ARID1B: variants seen among roughly 807,000 people sequenced by gnomAD.
The protein encoded by ARID1B is AT-rich interactive domain-containing protein 1B.
Under a neutral mutation model 212.3 loss-of-function variants are expected in ARID1B, and 30 were observed. The ratio of observed to expected loss-of-function variants is 0.14; its 90% CI spans 0.11 to 0.19. ARID1B has a LOEUF of 0.19. Ranked by LOEUF, ARID1B falls within the 10% of genes least tolerant of loss-of-function variation. The pLI is 1.00. For missense variants in ARID1B, 2,891 were observed against 3,204.0 expected (o/e 0.90, Z 2.36); for synonymous variants, 1,402 against 1,301.7 (o/e 1.08, Z -1.66).
At chr6:157,158,241 A>G (rs1252159157) in intron 8 of ARID1B, among the ~76,000 whole-genome samples, 1 of 152,232 alleles carries the variant, frequency 6.6e-6, no homozygotes, top group Non-Finnish European at 1.5e-5. Context: ...TTTAACCCTA[A>G]CTGAACAATG....
chr6:157,094,237 A>C lies in ARID1B; in HGVS notation c.2491+9332A>C, dbSNP rs926325515. Among the ~76,000 whole-genome samples, 23 of 152,304 alleles carry C rather than the reference A, an allele frequency of 1.5e-4. No homozygotes were observed. The highest frequency in any genetic ancestry group is 3.4e-3 in the Middle Eastern group (1 of 294). ...GTGCTTAGTGTGTTGGGCGGCGAAC[A>C]CCAGGAAATCAGTGTAGCCACAGCA... On this transcript the variant is annotated intron_variant, in intron 5 of 19. Transcript: ENST00000636930. The surrounding 1 kb of genome is among the most constrained non-coding windows in gnomAD (Gnocchi z 4.3).
At chr6:156,867,262 C>A (rs1440808571) in intron 2 of ARID1B, among the ~76,000 whole-genome samples, 1 of 152,144 alleles carries the variant, frequency 6.6e-6, no homozygotes, top group Non-Finnish European at 1.5e-5. Flanking sequence ...GTGCAAACAC[C>A]ATAGGCAGTT....
intron 15 of ARID1B, chr6:157,194,813 G>T (rs1793606571): frequency 6.6e-6 from 1 of 151,938 alleles, no homozygotes; most frequent in African/African-American, 2.4e-5. Flanking sequence ...AATATTACTG[G>T]CCTCATTTTA....
At position 157,190,791 on chromosome 6, in the gene ARID1B, A is replaced by G. The variant is rs1381030238; in HGVS notation, c.4231+581A>G. On this transcript the variant is annotated intron_variant, in intron 15 of 19. Transcript: ENST00000636930. The surrounding 1 kb of genome is among the most constrained non-coding windows in gnomAD (Gnocchi z 4.6). ...TTAAAGATTGTGGTTGGTGGAAGACAGGAAAGTGAAAGGAAGAAAGGATAC... is the reference window on the plus strand; with the variant it reads ...TTAAAGATTGTGGTTGGTGGAAGACGGGAAAGTGAAAGGAAGAAAGGATAC... 6.6e-6 allele frequency among the ~76,000 whole-genome samples: 1 copy of G among 152,194 alleles called. No homozygotes were observed. Among genetic ancestry groups the G allele is most frequent in the Non-Finnish European group, 1.5e-5 (1 of 68,034 alleles).
chr6:156,994,501 CA>C (rs539478626), intron 4 of ARID1B, among the ~76,000 whole-genome samples: 19 of 148,312 alleles, frequency 1.3e-4, no homozygotes, highest in African/African-American at 4.0e-4. Flanking sequence ...AACAAATATA[CA>C]AAAAAAAATA....
At chr6:157,042,484 T>C (rs901864225) in intron 4 of ARID1B, among the ~76,000 whole-genome samples, 1 of 152,152 alleles carries the variant, frequency 6.6e-6, no homozygotes, top group Non-Finnish European at 1.5e-5. Context: ...ATGACTCTTT[T>C]TATAATATTT....
At chr6:156,998,854 G>A (rs1166621157) in intron 4 of ARID1B, among the ~76,000 whole-genome samples, 1 of 152,222 alleles carries the variant, frequency 6.6e-6, no homozygotes, top group African/African-American at 2.4e-5. Flanking sequence ...GCCTGGAAAA[G>A]AGGAAGAAAG....
At chr6:157,012,489 T>C (rs1327116910) in intron 4 of ARID1B, among the ~76,000 whole-genome samples, 3 of 152,186 alleles carry the variant, frequency 2.0e-5, no homozygotes, top group Admixed American at 2.0e-4. Flanking sequence ...CTTTGGTGAA[T>C]ATATGGTATA....
chr6:156,916,691 C>G (rs139839833), intron 3 of ARID1B, among the ~76,000 whole-genome samples: 370 of 152,208 alleles, frequency 2.4e-3, no homozygotes, highest in Admixed American at 6.2e-3. Context: ...TCCCGGTCCC[C>G]TCTTAGCAAG....
chr6:156,837,827 A>G (rs1783619020), intron 2 of ARID1B, among the ~76,000 whole-genome samples: 1 of 152,212 alleles, frequency 6.6e-6, no homozygotes, highest in African/African-American at 2.4e-5. Context: ...AGCCTTGCTT[A>G]ATCCAGGCTT....
At chr6:157,064,530 A>G (rs965728874) in intron 4 of ARID1B, among the ~76,000 whole-genome samples, 1 of 151,782 alleles carries the variant, frequency 6.6e-6, no homozygotes, top group Non-Finnish European at 1.5e-5. Flanking sequence ...TTTAATTTTT[A>G]CTCTTCTAAT....
At chr6:157,177,579 C>T (rs1425823331) in intron 11 of ARID1B, among the ~76,000 whole-genome samples, 3 of 152,090 alleles carry the variant, frequency 2.0e-5, no homozygotes, top group Admixed American at 6.5e-5. Context: ...AACATTTGTC[C>T]ATACACATAC....
Position 157,039,322 on chromosome 6 carries a change from C to CTTTTTTTTTTTTTTTTTTTT in ARID1B, c.2248-45321_2248-45320insTTTTTTTTTTTTTTTTTTTT. 1.7e-3 allele frequency among the ~76,000 whole-genome samples: 177 copies of CTTTTTTTTTTTTTTTTTTTT among 102,938 alleles called. 26 individuals are homozygous for CTTTTTTTTTTTTTTTTTTTT. Among genetic ancestry groups the CTTTTTTTTTTTTTTTTTTTT allele is most frequent in the Non-Finnish European group, 2.4e-3 (122 of 50,930 alleles). 67.5% of individuals were successfully genotyped at this position (102,938 alleles called of 152,430 possible). Reference sequence around the variant, plus strand: ...ATTAAAAATGGGAAATTTGACATTTCTTTTTTTTTTTTTTTTTTTGAGACG... The same window carrying CTTTTTTTTTTTTTTTTTTTT: ...ATTAAAAATGGGAAATTTGACATTTCTTTTTTTTTTTTTTTTTTTTTTTTTTTTTTTTTTTTTTTGAGACG... On this transcript the variant is annotated intron_variant, in intron 4 of 19. Coordinates refer to ENST00000636930, the MANE Select transcript of ARID1B (RefSeq NM_001374828.1).
intron 5 of ARID1B, 40 bp downstream of exon 5, chr6:157,084,945 A>G (rs759820289): frequency 1.1e-5 from 17 of 1,562,918 alleles, no homozygotes; most frequent in Non-Finnish European, 1.2e-5. Context: ...ACTTTGTGAT[A>G]AAGAGAGATT....
intron 2 of ARID1B, among the ~76,000 whole-genome samples, chr6:156,894,292 G>GC (rs1788205954): frequency 1.8e-5 from 2 of 114,094 alleles, no homozygotes; most frequent in African/African-American, 3.3e-5. Flanking sequence ...GGGCCGGGGG[G>GC]TTGGGATGGG....
At position 156,880,862 on chromosome 6, in the gene ARID1B, CAG is replaced by C. The variant is rs1210023210; in HGVS notation, c.1987-20512_1987-20511del. ...ATCCTTGTTAGTTTTGTATAGCGAACAGAAATTTTAAATTGAAAACTGCATAG... is the reference window on the plus strand; with the variant it reads ...ATCCTTGTTAGTTTTGTATAGCGAACAAATTTTAAATTGAAAACTGCATAG... On this transcript the variant is annotated intron_variant, in intron 2 of 19. Transcript: ENST00000636930. Among the ~76,000 whole-genome samples, 13 of 150,634 alleles carry C rather than the reference CAG, an allele frequency of 8.6e-5. No individual in the cohort carries two copies. In the East Asian group the frequency reaches 2.1e-3, roughly 25 times the overall value.
At chr6:157,077,861 C>CAACTACAA (rs1178363965) in intron 4 of ARID1B, among the ~76,000 whole-genome samples, 9 of 152,182 alleles carry the variant, frequency 5.9e-5, no homozygotes, top group Admixed American at 2.0e-4. Context: ...CCCACAGCAC[C>CAACTACAA]AACTACAAAA....
chr6:156,868,046 C>T lies in ARID1B; in HGVS notation c.1987-33330C>T, dbSNP rs1432736158. Reference sequence around the variant, plus strand: ...TGGGGATTGATGGATGGGTCATTTCCATCCTACCTTTCTATGAGGAAAGCC... The same window carrying T: ...TGGGGATTGATGGATGGGTCATTTCTATCCTACCTTTCTATGAGGAAAGCC... On this transcript the variant is annotated intron_variant, in intron 2 of 19. Coordinates refer to ENST00000636930, the MANE Select transcript of ARID1B (RefSeq NM_001374828.1). Among the ~76,000 whole-genome samples, 4 of 152,206 alleles carry T rather than the reference C, an allele frequency of 2.6e-5. No individual in the cohort carries two copies. In the East Asian group the frequency reaches 5.8e-4, roughly 22 times the overall value.
chr6:156,949,823 A>T (rs1254833418), intron 4 of ARID1B, among the ~76,000 whole-genome samples: 1 of 152,230 alleles, frequency 6.6e-6, no homozygotes, highest in African/African-American at 2.4e-5. Context: ...GTTTTTAAGA[A>T]TTTCCCCAGT....
Sources: gnomAD v4.1 joint callset for allele counts (sites outside exome capture counted in the v4.1 genomes callset) on GRCh38, gnomAD v4.1.1 for gene constraint, Gnocchi (gnomAD v3.1) non-coding constraint, MANE v1.5 for transcripts, NCBI Gene and HGNC (gene_info 2026-07-23, HGNC 2026-07-21) for gene names.